Variants in ZNF407 observed in about 807,000 individuals in gnomAD.
The protein encoded by ZNF407 is zinc finger protein 407.
Under a neutral mutation model 131.2 loss-of-function variants are expected in ZNF407, and 17 were observed. That is an observed-to-expected ratio of 0.13 (90% CI 0.09 to 0.19). The LOEUF is 0.19. Ranked by LOEUF, ZNF407 falls within the 10% of genes least tolerant of loss-of-function variation. The pLI is 1.00. For synonymous variants in ZNF407, 1,156 were observed against 1,062.0 expected (o/e 1.09, Z -1.72); for missense variants, 2,681 against 2,830.6 (o/e 0.95, Z 1.20).
intron 3 of ZNF407, among the ~76,000 whole-genome samples, chr18:74,727,677 T>C (rs1968191266): frequency 6.6e-6 from 1 of 152,102 alleles, no homozygotes; most frequent in South Asian, 2.1e-4. Flanking sequence ...CCCGAATATA[T>C]GTTAGGAGGG....
chr18:75,026,023 T>C (rs901400572), intron 8 of ZNF407, among the ~76,000 whole-genome samples: 1 of 152,208 alleles, frequency 6.6e-6, no homozygotes, highest in Non-Finnish European at 1.5e-5. Flanking sequence ...TCTCTCACTT[T>C]AGAGTGTTGT....
chr18:74,642,644 T>G (rs1175229261), intron 3 of ZNF407, among the ~76,000 whole-genome samples: 1 of 152,142 alleles, frequency 6.6e-6, no homozygotes, highest in Non-Finnish European at 1.5e-5. Context: ...TCGGCATTAG[T>G]TGTATAATTT....
At chr18:74,716,098 CAT>C (rs1369440821) in intron 3 of ZNF407, among the ~76,000 whole-genome samples, 2 of 152,198 alleles carry the variant, frequency 1.3e-5, no homozygotes, top group African/African-American at 4.8e-5. Flanking sequence ...GAAGTGCAAA[CAT>C]AGTTTTTTCA....
chr18:74,655,674 T>C (rs967299946), intron 3 of ZNF407, among the ~76,000 whole-genome samples: 1 of 152,190 alleles, frequency 6.6e-6, no homozygotes, highest in African/African-American at 2.4e-5. Flanking sequence ...AATTTGTCTA[T>C]CTACTTTCAG....
At chr18:74,696,612 G>A (rs1967362551) in intron 3 of ZNF407, among the ~76,000 whole-genome samples, 1 of 152,126 alleles carries the variant, frequency 6.6e-6, no homozygotes, top group Admixed American at 6.6e-5. Context: ...ATATCATAGG[G>A]TTATAATGTG....
chr18:75,056,228 C>G (rs1973560382), intron 8 of ZNF407, among the ~76,000 whole-genome samples: 1 of 152,148 alleles, frequency 6.6e-6, no homozygotes, highest in Non-Finnish European at 1.5e-5. Context: ...ACATGCATGT[C>G]AAAGGCTAAA....
chr18:74,833,037 T>C (rs1970507116), intron 4 of ZNF407, among the ~76,000 whole-genome samples: 1 of 152,202 alleles, frequency 6.6e-6, no homozygotes, highest in Non-Finnish European at 1.5e-5. Context: ...AAGCTTTCTA[T>C]ATATTTGCTG....
At chr18:74,643,981 TGTATTA>T (rs1341884993) in intron 3 of ZNF407, among the ~76,000 whole-genome samples, 6 of 152,002 alleles carry the variant, frequency 3.9e-5, no homozygotes, top group African/African-American at 1.4e-4. Context: ...AGAAGCTGAA[TGTATTA>T]GATGCCTAAT....
At chr18:75,002,980 A>G (rs186812035) in intron 8 of ZNF407, among the ~76,000 whole-genome samples, 119 of 152,290 alleles carry the variant, frequency 7.8e-4, no homozygotes, top group Non-Finnish European at 7.4e-5. Flanking sequence ...CCATCTTAAC[A>G]TGTCTGCCTT....
intron 8 of ZNF407, among the ~76,000 whole-genome samples, chr18:74,972,792 AT>A (rs1243095553): frequency 6.6e-6 from 1 of 152,182 alleles, no homozygotes; most frequent in Admixed American, 6.5e-5. Flanking sequence ...TTAGTATGGT[AT>A]ATCTCATTTT....
intron 8 of ZNF407, among the ~76,000 whole-genome samples, chr18:74,982,360 T>C (rs570955439): frequency 6.6e-6 from 1 of 152,332 alleles, no homozygotes; most frequent in East Asian, 1.9e-4. Context: ...AAAGCACCAC[T>C]GTTGAATCTT....
In ZNF407 at chr18:74,633,903, C is replaced by T. The variant is rs372318044; in HGVS notation, c.2884C>T (p.Arg962Cys). 16 of 1,613,958 alleles carry T rather than the reference C, an allele frequency of 9.9e-6. No homozygotes were observed. Among genetic ancestry groups the T allele is most frequent in the East Asian group, 6.7e-5 (3 of 44,882 alleles). Residue 962 changes from arginine to cysteine, a missense_variant, in exon 2 of 9, where the codon CGT (arginine) becomes TGT (cysteine). By Grantham distance (180) the Arg-to-Cys change is radical (BLOSUM62 -3). Around this residue, in one of 6 missense-constraint regions of ZNF407, gnomAD observed 1,789 missense variants for 1,748.7 expected, o/e 1.02. Coordinates refer to ENST00000299687, the MANE Select transcript of ZNF407 (RefSeq NM_017757.3). ...CACCTCCGTTTTAGAGAAGCCAGAT[C>T]GTGGAAACTCAATTGAAGCTGAAGT... ...SPTSVLEKPD[R>C]GNSIEAEVEN...
chr18:74,867,467 A>G (rs1255220290), intron 4 of ZNF407, among the ~76,000 whole-genome samples: 1 of 152,168 alleles, frequency 6.6e-6, no homozygotes, highest in Non-Finnish European at 1.5e-5. Flanking sequence ...TTGTAGAAAT[A>G]TTGACTCGAA....
intron 8 of ZNF407, among the ~76,000 whole-genome samples, chr18:74,931,274 T>C (rs1292276009): frequency 1.3e-5 from 2 of 152,210 alleles, no homozygotes; most frequent in Admixed American, 6.5e-5. Context: ...GAAAAACTTA[T>C]AAAATGAGAG....
rs2078146 is a variant in ZNF407 at position 74,896,079 on chromosome 18, C to G, written c.5249+6041C>G. Among the ~76,000 whole-genome samples, 441 of 152,118 alleles carry G rather than the reference C, an allele frequency of 2.9e-3. 1 individual carries two copies. Among genetic ancestry groups the G allele is most frequent in the Non-Finnish European group, 5.0e-3 (339 of 67,984 alleles). On this transcript the variant is annotated intron_variant, in intron 7 of 8. Transcript: ENST00000299687. ...ACCAAAATGAACAGTACACAATCTTCCAGAGAATCAGAGGTTTCATTTATT... is the reference window on the plus strand; with the variant it reads ...ACCAAAATGAACAGTACACAATCTTGCAGAGAATCAGAGGTTTCATTTATT...
chr18:75,017,735 C>T (rs1973061724), intron 8 of ZNF407, among the ~76,000 whole-genome samples: 1 of 152,128 alleles, frequency 6.6e-6, no homozygotes, highest in African/African-American at 2.4e-5. Flanking sequence ...TCTCTCATCC[C>T]TCTTATAATG....
chr18:74,610,112 A>G (rs1982990159), intron 1 of ZNF407, among the ~76,000 whole-genome samples: 1 of 152,176 alleles, frequency 6.6e-6, no homozygotes, highest in South Asian at 2.1e-4. Flanking sequence ...TTTGTTTTCC[A>G]GTGACTTGCT....
intron 3 of ZNF407, among the ~76,000 whole-genome samples, chr18:74,670,246 C>G (rs1986090137): frequency 6.6e-6 from 1 of 152,136 alleles, no homozygotes; most frequent in Non-Finnish European, 1.5e-5. Flanking sequence ...CCAGTTAAGA[C>G]CAGGATGCTC....
chr18:74,635,249 G>A lies in ZNF407; in HGVS notation c.4230G>A (p.Glu1410=). ...AATCTGAGGGCAGTTCCATTGGTGA[G>A]TCTACACGAATTCGCTGTGATGATT... ...KKKSEGSSIG[E]STRIRCDDCG... Residue 1410 remains glutamate, a synonymous_variant, in exon 2 of 9, where the codon GAG becomes GAA. Coordinates refer to ENST00000299687, the MANE Select transcript of ZNF407 (RefSeq NM_017757.3). This position sits in a 1 kb window ranked among gnomAD's most constrained non-coding sequence, Gnocchi z 4.7. The A allele has an allele frequency of 6.2e-7, 1 of 1,613,858 alleles. No homozygotes were observed. Among genetic ancestry groups the A allele is most frequent in the Non-Finnish European group, 8.5e-7 (1 of 1,179,854 alleles).
Sources: allele counts gnomAD v4.1 joint callset (sites outside exome capture counted in the v4.1 genomes callset), GRCh38; gene constraint gnomAD v4.1.1; regional missense constraint gnomAD v4.1.1; non-coding constraint Gnocchi (gnomAD v3.1); transcripts MANE v1.5; gene names NCBI Gene and HGNC (gene_info 2026-07-23, HGNC 2026-07-21).